Variants in CFAP54 observed in about 807,000 individuals in gnomAD.
CFAP54 encodes cilia and flagella associated protein 54.
In CFAP54, 290 loss-of-function variants were observed where a neutral mutation model predicts 370.4. That is an observed-to-expected ratio of 0.78 (90% CI 0.71 to 0.86). CFAP54 has a LOEUF of 0.86. Ranked by LOEUF, CFAP54 falls within the 40% of genes least tolerant of loss-of-function variation. The probability of loss-of-function intolerance (pLI) is 0.00; values close to 1 mark genes in which losing one functional copy is unlikely to be tolerated. For missense variants in CFAP54, 3,399 were observed against 3,528.7 expected, an observed-to-expected ratio of 0.96 and a Z score of 0.93; for synonymous variants, 1,206 against 1,236.5, an observed-to-expected ratio of 0.98 and a Z score of 0.52.
chr12:96,634,044 A>ATTTTTTTTTT (rs1238845346), intron 32 of CFAP54, among the ~76,000 whole-genome samples: 4 of 85,358 alleles, frequency 4.7e-5, no homozygotes, highest in Non-Finnish European at 1.1e-4. Context: ...GATAGCGAAC[A>ATTTTTTTTTT]TCTTTTTTTT....
At chr12:96,599,624 A>G (rs544689624) in intron 26 of CFAP54, among the ~76,000 whole-genome samples, 1 of 152,336 alleles carries the variant, frequency 6.6e-6, no homozygotes, top group East Asian at 1.9e-4. Flanking sequence ...CACTCCCATC[A>G]ACAGTGTAAA....
intron 50 of CFAP54, among the ~76,000 whole-genome samples, chr12:96,739,702 A>G (rs1248926429): frequency 6.6e-6 from 1 of 152,104 alleles, no homozygotes; most frequent in Non-Finnish European, 1.5e-5. Flanking sequence ...CTCAGTCACT[A>G]TGGTAGATGC....
At chr12:96,728,720 G>C (rs1019888463) in intron 50 of CFAP54, among the ~76,000 whole-genome samples, 1 of 152,214 alleles carries the variant, frequency 6.6e-6, no homozygotes, top group Admixed American at 6.5e-5. Flanking sequence ...TTGCTGGTGA[G>C]TAACTGTGTT....
intron 65 of CFAP54, among the ~76,000 whole-genome samples, chr12:96,825,305 TATATA>T (rs1254089244): frequency 7.8e-6 from 1 of 128,456 alleles, no homozygotes; most frequent in Non-Finnish European, 1.6e-5. Flanking sequence ...ATATATTATA[TATATA>T]ATATAATATA....
Position 96,860,827 on chromosome 12 carries a change from T to C in CFAP54, c.9180T>C (p.Phe3060=), listed in dbSNP as rs1028680712. ...KEPTPLSEVP[F]DISLPSIFNL... ...TTTATGTTTTTCCTCAGGTCCCATT[T>C]GATATCTCACTGCCGTCTATATTCA... is the stretch of plus-strand genomic sequence containing the variant. Residue 3060 remains phenylalanine (F), a synonymous_variant, in exon 67 of 68, where the codon TTT becomes TTC. Transcript: ENST00000524981. 4.6e-6 allele frequency: 7 copies of C among 1,530,984 alleles called. No homozygotes were observed. The highest frequency in any genetic ancestry group is 5.2e-6 in the Non-Finnish European group (6 of 1,145,174). The allele number at this position is 1,530,984 out of a possible 1,614,324, so 94.8% of individuals were successfully genotyped here.
intron 1 of CFAP54, among the ~76,000 whole-genome samples, chr12:96,497,617 A>G (rs1429269424): frequency 6.6e-6 from 1 of 152,166 alleles, no homozygotes. Flanking sequence ...TTTACAGTTG[A>G]AGAAACAACC....
At chr12:96,685,503 T>C (rs1325033050) in intron 42 of CFAP54, among the ~76,000 whole-genome samples, 4 of 152,182 alleles carry the variant, frequency 2.6e-5, no homozygotes, top group Non-Finnish European at 5.9e-5. Context: ...GGATCCCAAG[T>C]GCCAGATATG....
At chr12:96,706,034 A>C (rs1443556767) in intron 47 of CFAP54, among the ~76,000 whole-genome samples, 2 of 152,052 alleles carry the variant, frequency 1.3e-5, no homozygotes, top group African/African-American at 4.8e-5. Context: ...TTAATTCAAC[A>C]ACAAAATCAA....
chr12:96,823,116 G>C (rs1053620711), intron 65 of CFAP54, among the ~76,000 whole-genome samples: 1 of 116,272 alleles, frequency 8.6e-6, no homozygotes, highest in South Asian at 3.6e-4. Context: ...GATCGTGTGT[G>C]TTTGTCTGTG....
chr12:96,524,543 G>C (rs966486413), intron 8 of CFAP54, among the ~76,000 whole-genome samples: 15 of 152,132 alleles, frequency 9.9e-5, no homozygotes, highest in Admixed American at 9.8e-4. Context: ...TGCAGCCCTG[G>C]CTTTTTGAAG....
chr12:96,561,533 C>A (rs1955816153), intron 17 of CFAP54, among the ~76,000 whole-genome samples: 1 of 151,978 alleles, frequency 6.6e-6, no homozygotes, highest in Non-Finnish European at 1.5e-5. Context: ...ACAAAATATT[C>A]TTGACCTATC....
At chr12:96,789,081 CA>C (rs1565978705) in intron 62 of CFAP54, among the ~76,000 whole-genome samples, 2 of 152,098 alleles carry the variant, frequency 1.3e-5, no homozygotes, top group African/African-American at 4.8e-5. Context: ...TAATGAGTAC[CA>C]AAGTAGACAG....
intron 38 of CFAP54, among the ~76,000 whole-genome samples, chr12:96,658,931 T>C (rs1419102749): frequency 5.9e-5 from 9 of 152,232 alleles, no homozygotes; most frequent in African/African-American, 9.6e-5. Flanking sequence ...TCTCCCACTG[T>C]GCCCTCACAA....
chr12:96,521,529 TGTGTGTGTGTGTGTGTGTGC>T (rs1333124599), intron 6 of CFAP54, among the ~76,000 whole-genome samples: 1 of 123,026 alleles, frequency 8.1e-6, no homozygotes, highest in Non-Finnish European at 1.7e-5. Context: ...TGTGTGTGTG[TGTGTGTGTGTGTGTGTGTGC>T]GCGTGCGCAC....
At chr12:96,855,201 GT>G (rs1473706535) in intron 66 of CFAP54, among the ~76,000 whole-genome samples, 5 of 152,094 alleles carry the variant, frequency 3.3e-5, no homozygotes, top group Admixed American at 6.5e-5. Context: ...CTCCCACCAG[GT>G]CCCTCTCATG....
At chr12:96,753,503 A>T (rs1392768139) in intron 55 of CFAP54, among the ~76,000 whole-genome samples, 1 of 152,078 alleles carries the variant, frequency 6.6e-6, no homozygotes, top group Non-Finnish European at 1.5e-5. Flanking sequence ...CCTTCATTTA[A>T]AAAAGAAGAA....
At position 96,546,899 on chromosome 12, in the gene CFAP54, T is replaced by C. The variant is rs1028791362; in HGVS notation, c.2078-1003T>C. Among the ~76,000 whole-genome samples, 10 of 152,302 alleles carry C rather than the reference T, an allele frequency of 6.6e-5. No homozygotes were observed. In the South Asian group the frequency reaches 1.4e-3, roughly 22 times the overall value. On this transcript the variant is annotated intron_variant, in intron 14 of 67. Transcript: ENST00000524981. ...TTACTAGTTACTGTGGGGGAGATTA[T>C]TGTTTTATATCATTATAAATGGGCT...
At chr12:96,618,737 G>A (rs1410049149) in intron 26 of CFAP54, among the ~76,000 whole-genome samples, 1 of 152,174 alleles carries the variant, frequency 6.6e-6, no homozygotes, top group Non-Finnish European at 1.5e-5. Context: ...ACCTTTCTCA[G>A]CTTTGGATGA....
chr12:96,566,104 A>G (rs1319243477), intron 19 of CFAP54, among the ~76,000 whole-genome samples: 3 of 152,210 alleles, frequency 2.0e-5, no homozygotes, highest in African/African-American at 4.8e-5. Flanking sequence ...CTACCCAGCC[A>G]TGCAAAACTG....
Sources: gnomAD v4.1 joint callset for allele counts (sites outside exome capture counted in the v4.1 genomes callset) on GRCh38, gnomAD v4.1.1 for gene constraint, MANE v1.5 for transcripts, NCBI Gene and HGNC (gene_info 2026-07-23, HGNC 2026-07-21) for gene names.